CPEB3: variants seen among roughly 807,000 people sequenced by gnomAD.
The protein encoded by CPEB3 is cytoplasmic polyadenylation element-binding protein 3.
In CPEB3, 20 loss-of-function variants were observed where a neutral mutation model predicts 67.2. That is an observed-to-expected ratio of 0.30 (90% confidence interval 0.21 to 0.43). The LOEUF is 0.43. Among genes scored for constraint, CPEB3 ranks in the 20% least tolerant of loss-of-function variants. The pLI, the probability that CPEB3 is intolerant of heterozygous loss-of-function variation, is 1.00. For synonymous variants in CPEB3, 376 were observed against 393.1 expected (o/e 0.96, Z 0.51); for missense variants, 746 against 968.6 (o/e 0.77, Z 3.05).
intron 2 of CPEB3, among the ~76,000 whole-genome samples, chr10:92,214,296 T>A (rs944244006): frequency 1.3e-5 from 2 of 152,142 alleles, no homozygotes; most frequent in Non-Finnish European, 2.9e-5. Flanking sequence ...AGCATGCTCT[T>A]TGGAGAATGC....
intron 3 of CPEB3, among the ~76,000 whole-genome samples, chr10:92,191,847 T>C (rs1848999497): frequency 6.6e-6 from 1 of 152,228 alleles, no homozygotes; most frequent in Admixed American, 6.5e-5. Context: ...TACCAACATC[T>C]ATCCTGAATT....
At chr10:92,120,236 C>A (rs1845291197) in intron 6 of CPEB3, among the ~76,000 whole-genome samples, 2 of 150,278 alleles carry the variant, frequency 1.3e-5, no homozygotes, top group Non-Finnish European at 3.0e-5. Context: ...ACGGTTAAAC[C>A]CTGTCTCTAC....
chr10:92,059,327 A>AAAAAAAAAAAG (rs1842245719), intron 9 of CPEB3, among the ~76,000 whole-genome samples: 1 of 150,266 alleles, frequency 6.7e-6, no homozygotes, highest in African/African-American at 2.4e-5. Flanking sequence ...AACTCTGTCA[A>AAAAAAAAAAAG]AAAAAAAACA....
intron 2 of CPEB3, among the ~76,000 whole-genome samples, chr10:92,224,043 G>T (rs991803344): frequency 3.3e-5 from 5 of 152,104 alleles, no homozygotes; most frequent in African/African-American, 1.2e-4. Context: ...GGGATTACAG[G>T]TGTAAACCAC....
At chr10:92,167,020 C>T (rs530787848) in intron 4 of CPEB3, among the ~76,000 whole-genome samples, 1 of 152,268 alleles carries the variant, frequency 6.6e-6, no homozygotes, top group South Asian at 2.1e-4. Context: ...ACGGCTTTTT[C>T]CCTTAAACCT....
intron 7 of CPEB3, among the ~76,000 whole-genome samples, chr10:92,097,820 T>C (rs1843952011): frequency 6.6e-6 from 1 of 152,130 alleles, no homozygotes. Context: ...TCTTGGAGTT[T>C]CATGGCACCC....
intron 5 of CPEB3, among the ~76,000 whole-genome samples, chr10:92,143,747 T>G (rs1383988638): frequency 6.6e-6 from 1 of 152,192 alleles, no homozygotes. Flanking sequence ...TACTCAGGTT[T>G]AGGGTACCAC....
chr10:92,075,026 C>T (rs1267559015), intron 9 of CPEB3, among the ~76,000 whole-genome samples: 1 of 152,126 alleles, frequency 6.6e-6, no homozygotes, highest in Non-Finnish European at 1.5e-5. Flanking sequence ...ATTCAGACTC[C>T]TGAGCAAAAG....
intron 2 of CPEB3, among the ~76,000 whole-genome samples, chr10:92,228,610 T>C (rs969385861): frequency 3.3e-5 from 5 of 152,168 alleles, no homozygotes; most frequent in African/African-American, 9.7e-5. Flanking sequence ...TAGAAAATTA[T>C]TTGCCTTTTA....
At chr10:92,166,295 G>T (rs1847741809) in intron 4 of CPEB3, among the ~76,000 whole-genome samples, 1 of 151,994 alleles carries the variant, frequency 6.6e-6, no homozygotes, top group Admixed American at 6.6e-5. Context: ...TTTTAGTAGA[G>T]ATGAGGTTTC....
intron 2 of CPEB3, among the ~76,000 whole-genome samples, chr10:92,205,696 C>T (rs1361150198): frequency 2.4e-4 from 37 of 151,740 alleles, no homozygotes; most frequent in East Asian, 1.9e-4. Flanking sequence ...AGGCTGGTCT[C>T]GAACTCCTGA....
intron 1 of CPEB3, among the ~76,000 whole-genome samples, chr10:92,250,534 G>A (rs1455490519): frequency 6.6e-6 from 1 of 152,112 alleles, no homozygotes; most frequent in Non-Finnish European, 1.5e-5. Flanking sequence ...TGTTTATAAA[G>A]TCTACAGTAG....
At chr10:92,261,802 G>A (rs1852812700) in intron 1 of CPEB3, among the ~76,000 whole-genome samples, 1 of 152,126 alleles carries the variant, frequency 6.6e-6, no homozygotes, top group Non-Finnish European at 1.5e-5. Context: ...CAGCACTTAG[G>A]ATGACTGTTG....
At chr10:92,249,215 A>G (rs2134766134) in intron 1 of CPEB3, among the ~76,000 whole-genome samples, 1 of 152,144 alleles carries the variant, frequency 6.6e-6, no homozygotes, top group Middle Eastern at 3.4e-3. Context: ...CATCTCTACT[A>G]AAAACACAAA....
intron 2 of CPEB3, among the ~76,000 whole-genome samples, chr10:92,195,658 T>C (rs868730072): frequency 9.9e-5 from 15 of 152,212 alleles, no homozygotes; most frequent in Middle Eastern, 3.2e-3. Context: ...TGTTTCAGAA[T>C]AGACTGACAT....
intron 4 of CPEB3, among the ~76,000 whole-genome samples, chr10:92,171,176 C>T (rs1847982664): frequency 1.3e-5 from 2 of 152,288 alleles, no homozygotes; most frequent in South Asian, 4.1e-4. Context: ...TTGACCTGGA[C>T]ATTTCGGAAG....
chr10:92,167,636 G>C (rs1309010961), intron 4 of CPEB3, among the ~76,000 whole-genome samples: 1 of 152,184 alleles, frequency 6.6e-6, no homozygotes, highest in Non-Finnish European at 1.5e-5. Flanking sequence ...GGTGGGCACA[G>C]TGGCTCAGGC....
chr10:92,139,326 C>T (rs1846275669), intron 6 of CPEB3, among the ~76,000 whole-genome samples: 1 of 148,926 alleles, frequency 6.7e-6, no homozygotes, highest in South Asian at 2.1e-4. Context: ...GGTACATATA[C>T]ACAGTGGAGT....
chr10:92,167,504 G>A (rs1298644903), intron 4 of CPEB3, among the ~76,000 whole-genome samples: 1 of 152,172 alleles, frequency 6.6e-6, no homozygotes, highest in Non-Finnish European at 1.5e-5. Context: ...CCAAGGAGAG[G>A]GAGAGAAACA....
Sources: allele counts gnomAD v4.1 joint callset (sites outside exome capture counted in the v4.1 genomes callset), GRCh38; gene constraint gnomAD v4.1.1; transcripts MANE v1.5; gene names NCBI Gene and HGNC (gene_info 2026-07-23, HGNC 2026-07-21).